The following ME1 variants were observed in gnomAD, a reference collection of about 807,000 sequenced individuals.
ME1 encodes the protein malic enzyme 1.
In ME1, 74 loss-of-function variants were observed where a neutral mutation model predicts 66.4. The ratio of observed to expected loss-of-function variants is 1.11; its 90% CI spans 0.92 to 1.35. The LOEUF (loss-of-function observed/expected upper bound fraction) is 1.35, where lower values mean the gene tolerates loss of function less well. Among genes scored for constraint, ME1 ranks in the 40% most tolerant of loss-of-function variants. ME1 has a pLI of 0.00. For missense variants in ME1, 750 were observed against 694.1 expected, an observed-to-expected ratio of 1.08 and a Z score of -0.90; for synonymous variants, 251 against 235.6, an observed-to-expected ratio of 1.07 and a Z score of -0.60.
chr6:83,385,959 A>C (rs1441377473), intron 3 of ME1, among the ~76,000 whole-genome samples: 5 of 151,932 alleles, frequency 3.3e-5, no homozygotes, highest in South Asian at 2.1e-4. Context: ...AATTATCTTT[A>C]ACTACAAAAT....
At chr6:83,362,727 CACTT>C (rs1333718245) in intron 3 of ME1, among the ~76,000 whole-genome samples, 1 of 152,214 alleles carries the variant, frequency 6.6e-6, no homozygotes, top group Non-Finnish European at 1.5e-5. Context: ...CTGGAATAGA[CACTT>C]ACTTTGGATA....
chr6:83,430,712 C>T (rs1770468910), intron 1 of ME1, among the ~76,000 whole-genome samples, 165 bp downstream of exon 1: 1 of 152,258 alleles, frequency 6.6e-6, no homozygotes, highest in Non-Finnish European at 1.5e-5. Context: ...ATTAGGCGTC[C>T]TTCTTCCTTC....
At chr6:83,358,360 T>A (rs1768941856) in intron 3 of ME1, among the ~76,000 whole-genome samples, 1 of 152,120 alleles carries the variant, frequency 6.6e-6, no homozygotes, top group Non-Finnish European at 1.5e-5. Context: ...GGTTGGTTGC[T>A]CCTAAGTTCA....
Position 83,366,164 on chromosome 6 carries a change from C to A in ME1, c.363-14025G>T, listed in dbSNP as rs75106397. Among the ~76,000 whole-genome samples, 443 of 152,264 alleles carry A rather than the reference C, an allele frequency of 2.9e-3. 1 individual carries two copies. Among genetic ancestry groups the A allele is most frequent in the African/African-American group, 9.7e-3 (405 of 41,560 alleles). On this transcript the variant is annotated intron_variant, in intron 3 of 13. Transcript: ENST00000369705. ...GTTCTTGGCATTTGATCAACTAAGC[C>A]TGAGAACTATCTGGTTTCCAACTCT...
chr6:83,262,134 A>G (rs1766911512), intron 6 of ME1, among the ~76,000 whole-genome samples: 1 of 152,172 alleles, frequency 6.6e-6, no homozygotes, highest in African/African-American at 2.4e-5. Context: ...AATAATGTGA[A>G]GCAAGACTTT....
At chr6:83,264,240 T>C (rs1766947852) in intron 6 of ME1, among the ~76,000 whole-genome samples, 1 of 152,180 alleles carries the variant, frequency 6.6e-6, no homozygotes, top group South Asian at 2.1e-4. Context: ...ATATCTTAAG[T>C]CTGCTAATGA....
In ME1 at chr6:83,263,986, C is replaced by T. The variant is rs149042433; in HGVS notation, c.705-10248G>A. Among the ~76,000 whole-genome samples the T allele has an allele frequency of 8.8e-4, 134 of 152,230 alleles. 1 individual carries two copies. The highest frequency in any genetic ancestry group is 3.1e-3 in the African/African-American group (130 of 41,552). On this transcript the variant is annotated intron_variant, in intron 6 of 13. Coordinates refer to ENST00000369705, the MANE Select transcript of ME1 (RefSeq NM_002395.6). ...ATAGCCTTCTGTAGAAAGATGATGG[C>T]ATCTAGGGCTTTCATAGCTAGAAAG... is the stretch of plus-strand genomic sequence containing the variant.
intron 3 of ME1, among the ~76,000 whole-genome samples, chr6:83,390,870 C>G (rs187260936): frequency 7.1e-6 from 1 of 140,832 alleles, no homozygotes; most frequent in East Asian, 2.0e-4. Context: ...CCATCTCTCT[C>G]TATATATATA....
chr6:83,283,051 A>G (rs954383500), intron 6 of ME1, among the ~76,000 whole-genome samples: 5 of 150,542 alleles, frequency 3.3e-5, no homozygotes, highest in African/African-American at 1.2e-4. Context: ...ACAAGGTGAA[A>G]CCCCGTCTCT....
intron 5 of ME1, among the ~76,000 whole-genome samples, chr6:83,326,530 A>G (rs1768294577): frequency 6.1e-5 from 1 of 16,338 alleles, no homozygotes; most frequent in African/African-American, 2.6e-4. Context: ...AAGGAACTTA[A>G]ATTTACAAGA....
chr6:83,277,901 A>AAATTAATAATAATAATAATAATAATAAT (rs1767215605), intron 6 of ME1, among the ~76,000 whole-genome samples: 1 of 144,098 alleles, frequency 6.9e-6, no homozygotes, highest in Non-Finnish European at 1.5e-5. Flanking sequence ...CTGTATCTCA[A>AAATTAATAATAATAATAATAATAATAAT]AATAATAATA....
At position 83,318,083 on chromosome 6, in the gene ME1, A is replaced by G. The variant is rs1283937663; in HGVS notation, c.601-2670T>C. Among the ~76,000 whole-genome samples the G allele has an allele frequency of 2.6e-5, 4 of 151,984 alleles. No individual in the cohort carries two copies. The East Asian group carries it at 5.8e-4, about 22-fold the overall frequency. ...TCCCTATTAAATAAATGGTGCTGGG[A>G]AAACTGGCTAGCCATATGTAGAAAG... On this transcript the variant is annotated intron_variant, in intron 5 of 13. Transcript: ENST00000369705.
intron 3 of ME1, among the ~76,000 whole-genome samples, chr6:83,386,438 T>C (rs1273966251): frequency 6.6e-6 from 1 of 151,924 alleles, no homozygotes; most frequent in East Asian, 1.9e-4. Context: ...CAATTAAAAA[T>C]AGTTCTGGTT....
At chr6:83,240,288 A>G (rs1790487991) in intron 7 of ME1, among the ~76,000 whole-genome samples, 1 of 152,106 alleles carries the variant, frequency 6.6e-6, no homozygotes, top group Admixed American at 6.6e-5. Context: ...TACATTTGGA[A>G]TTTAATGTTA....
intron 2 of ME1, among the ~76,000 whole-genome samples, chr6:83,405,541 G>C (rs1011909903): frequency 6.6e-6 from 1 of 152,096 alleles, no homozygotes; most frequent in Non-Finnish European, 1.5e-5. Context: ...CCAATACCAT[G>C]CTGAATAGGA....
chr6:83,220,093 T>A (rs1427397941), intron 12 of ME1, among the ~76,000 whole-genome samples: 2 of 152,220 alleles, frequency 1.3e-5, no homozygotes, highest in African/African-American at 4.8e-5. Context: ...ACCAGGACAC[T>A]GCTGGCATTC....
At chr6:83,379,012 A>G (rs1207146900) in intron 3 of ME1, among the ~76,000 whole-genome samples, 3 of 152,178 alleles carry the variant, frequency 2.0e-5, no homozygotes, top group Admixed American at 1.3e-4. Flanking sequence ...TATTTATTAT[A>G]GAAATGCTCT....
At chr6:83,250,367 AC>A (rs1451967809) in intron 7 of ME1, among the ~76,000 whole-genome samples, 1 of 152,192 alleles carries the variant, frequency 6.6e-6, no homozygotes, top group Non-Finnish European at 1.5e-5. Flanking sequence ...CTGTTATATA[AC>A]TTTCTGCCAC....
intron 7 of ME1, among the ~76,000 whole-genome samples, chr6:83,251,161 A>G (rs965768732): frequency 6.6e-6 from 1 of 152,160 alleles, no homozygotes; most frequent in African/African-American, 2.4e-5. Flanking sequence ...GCCTTCGCAG[A>G]GCTTAAAATT....
Sources: allele counts gnomAD v4.1 joint callset (sites outside exome capture counted in the v4.1 genomes callset), GRCh38; gene constraint gnomAD v4.1.1; transcripts MANE v1.5; gene names NCBI Gene and HGNC (gene_info 2026-07-23, HGNC 2026-07-21).